Variants in FRMD7 observed in about 807,000 individuals in gnomAD.
FRMD7 encodes FERM domain containing 7.
FRMD7 carries 14 observed loss-of-function variants against 44.1 expected under a neutral mutation model. The ratio of observed to expected loss-of-function variants is 0.32; its 90% CI spans 0.21 to 0.50. The LOEUF (loss-of-function observed/expected upper bound fraction) is 0.50, where lower values mean the gene tolerates loss of function less well. FRMD7 is among the 20% of genes least tolerant of loss of function. FRMD7 has a pLI of 0.99. For synonymous variants in FRMD7, 212 were observed against 187.4 expected, an observed-to-expected ratio of 1.13 and a Z score of -1.07; for missense variants, 501 against 522.3, an observed-to-expected ratio of 0.96 and a Z score of 0.40.
chrX:132,085,909 A>T lies in FRMD7; in HGVS notation c.497+11T>A. The T allele has an allele frequency of 8.8e-7, 1 of 1,137,193 alleles. No homozygotes were observed. Among genetic ancestry groups the T allele is most frequent in the Middle Eastern group, 2.4e-4 (1 of 4,176 alleles). The allele number at this position is 1,137,193 out of a possible 1,213,427, so 93.7% of individuals were successfully genotyped here. On this transcript the variant is annotated intron_variant, in intron 6 of 11. Coordinates refer to ENST00000298542, the MANE Select transcript of FRMD7 (RefSeq NM_194277.3). ...TACTGGGGGAAGCAGGTGCCAGCTG[A>T]AAGTACTTACATGTGCTTCTGATGA...
chrX:132,104,887 A>C (rs1273562214), intron 1 of FRMD7, among the ~76,000 whole-genome samples: 1 of 112,007 alleles, frequency 8.9e-6, no homozygotes, highest in Non-Finnish European at 1.9e-5. Flanking sequence ...TTATAATTAC[A>C]CCATTTAATT....
chrX:132,082,444 T>A lies in FRMD7; in HGVS notation c.824A>T (p.His275Leu). 8.3e-7 allele frequency: 1 copy of A among 1,209,447 alleles called. No individual in the cohort carries two copies. Among genetic ancestry groups the A allele is most frequent in the Non-Finnish European group, 1.1e-6 (1 of 893,041 alleles). The change falls in exon 9 of 12, where the codon CAT (histidine) becomes CTT (leucine). Residue 275 changes from histidine to leucine, a missense_variant. Transcript: ENST00000298542. Reference sequence around the variant, plus strand: ...CTCTTCCGAAAGCCTGAAGAAAGCATGGTATTCCACACAAGTCTTCCAGAA... The same window carrying A: ...CTCTTCCGAAAGCCTGAAGAAAGCAAGGTATTCCACACAAGTCTTCCAGAA... The part of the protein sequence containing the change: ...KAFWKTCVEY[H>L]AFFRLSEEPK...
chrX:132,105,120 C>A (rs1215285794), intron 1 of FRMD7, among the ~76,000 whole-genome samples: 1 of 111,383 alleles, frequency 9.0e-6, no homozygotes, highest in African/African-American at 3.3e-5. Context: ...ATTCTTGTTC[C>A]ACATTAAATA....
intron 1 of FRMD7, among the ~76,000 whole-genome samples, chrX:132,118,418 A>C (rs776514086): frequency 9.1e-6 from 1 of 109,372 alleles, no homozygotes; most frequent in East Asian, 2.9e-4. Flanking sequence ...CAAAAAAGGG[A>C]AAAAAGAAAA....
In FRMD7 at chrX:132,078,943, A is replaced by G. The variant is rs776876410; in HGVS notation, c.1074T>C (p.Tyr358=). Residue 358 remains tyrosine, a synonymous_variant, in exon 12 of 12, where the codon TAT becomes TAC. Transcript: ENST00000298542. ...SKQVEDLRLA[Y]GGGYYQNVNG... Reference sequence around the variant, plus strand: ...TCACATTTTGGTAGTAGCCACCACCATATGCTAGTCTCAAATCTTCCACCT... The same window carrying G: ...TCACATTTTGGTAGTAGCCACCACCGTATGCTAGTCTCAAATCTTCCACCT... 1 of 1,207,755 alleles carries G rather than the reference A, an allele frequency of 8.3e-7. No individual in the cohort carries two copies. The highest frequency in any genetic ancestry group is 1.8e-5 in the African/African-American group (1 of 57,033).
At chrX:132,121,969 C>T (rs1210976292) in intron 1 of FRMD7, among the ~76,000 whole-genome samples, 1 of 110,877 alleles carries the variant, frequency 9.0e-6, no homozygotes, top group Non-Finnish European at 1.9e-5. Context: ...TAAACAGAGG[C>T]CAAAGCATGC....
chrX:132,121,159 T>C (rs1929025024), intron 1 of FRMD7, among the ~76,000 whole-genome samples: 1 of 111,578 alleles, frequency 9.0e-6, no homozygotes, highest in Non-Finnish European at 1.9e-5. Flanking sequence ...GGATACATCA[T>C]AAAGTTCTGG....
At chrX:132,090,877 G>T (rs1291423012) in intron 5 of FRMD7, among the ~76,000 whole-genome samples, 1 of 111,076 alleles carries the variant, frequency 9.0e-6, no homozygotes, top group African/African-American at 3.3e-5. Context: ...AGCAACCTAA[G>T]AATACAACTA....
Position 132,094,096 on chromosome X carries a change from T to C in FRMD7, c.328A>G (p.Arg110Gly), listed in dbSNP as rs2124241096. Residue 110 changes from arginine to glycine, a missense_variant, in exon 5 of 12, where the codon AGG becomes GGG. Physicochemically the swap from Arg to Gly is moderately radical, Grantham distance 125. Transcript: ENST00000298542. ...LQIKKDLALGRLPCSDNCTAL... is the reference protein window; with the variant it reads ...LQIKKDLALGGLPCSDNCTAL... ...GTACAGTTGTCACTGCATGGAAGCC[T>C]TCCTAGAGCCAAATCCTTCTTTATT... The C allele has an allele frequency of 2.5e-6, 3 of 1,179,016 alleles. No individual in the cohort carries two copies. The highest frequency in any genetic ancestry group is 3.5e-6 in the Non-Finnish European group (3 of 865,660).
intron 1 of FRMD7, among the ~76,000 whole-genome samples, chrX:132,115,758 T>C (rs866868155): frequency 5.4e-5 from 6 of 111,898 alleles, no homozygotes; most frequent in Middle Eastern, 4.6e-3. Flanking sequence ...CTTCTCAATG[T>C]CGAATTTGAC....
chrX:132,081,016 G>A (rs752970968), intron 9 of FRMD7, among the ~76,000 whole-genome samples: 1 of 96,672 alleles, frequency 1.0e-5, no homozygotes, highest in East Asian at 3.0e-4. Context: ...GATCACAGCC[G>A]GGAGAAACAT....
intron 9 of FRMD7, 143 bp from the exon 10 acceptor site, chrX:132,080,409 C>T: frequency 2.0e-6 from 1 of 496,475 alleles, no homozygotes; most frequent in Non-Finnish European, 3.6e-6. Flanking sequence ...AATGATAATA[C>T]CCACTTATTC....
At chrX:132,083,329 CTCA>C (rs903288033) in intron 8 of FRMD7, among the ~76,000 whole-genome samples, 2 of 111,763 alleles carry the variant, frequency 1.8e-5, no homozygotes, top group Admixed American at 9.6e-5. Context: ...CTCTATATTG[CTCA>C]TCTAGCATAT....
chrX:132,102,980 C>T (rs1928543945), intron 1 of FRMD7, among the ~76,000 whole-genome samples: 1 of 111,888 alleles, frequency 8.9e-6, no homozygotes, highest in Admixed American at 9.5e-5. Flanking sequence ...AGAATAATTC[C>T]CTGATTCTTC....
Position 132,118,096 on chromosome X carries a change from G to GGC in FRMD7, c.57+9691_57+9692insGC, listed in dbSNP as rs749805738. ...GGTAGTTCTTGCTTGGTAAAGTAGT[G>GGC]AAAGAATTATATGAACCCAAACTGT... On this transcript the variant is annotated intron_variant, in intron 1 of 11. Coordinates refer to ENST00000298542, the MANE Select transcript of FRMD7 (RefSeq NM_194277.3). 5.5e-3 allele frequency among the ~76,000 whole-genome samples: 618 copies of GGC among 111,466 alleles called. 3 individuals carry two copies. Among genetic ancestry groups the GGC allele is most frequent in the African/African-American group, 0.018 (564 of 30,650 alleles).
rs550691338 is a variant in FRMD7, at chrX:132,087,061, C to T, written c.383-1027G>A. 4.6e-4 allele frequency among the ~76,000 whole-genome samples: 52 copies of T among 112,211 alleles called. 1 individual carries two copies. Among genetic ancestry groups the T allele is most frequent in the South Asian group, 3.7e-3 (10 of 2,688 alleles). On this transcript the variant is annotated intron_variant, in intron 5 of 11. Transcript: ENST00000298542. ...TATTACAGCACTATGTCTACAAAGG[C>T]ATTTAGGACTATGTGCCCTTAACCT...
intron 5 of FRMD7, among the ~76,000 whole-genome samples, chrX:132,087,870 A>C (rs1928043137): frequency 9.0e-6 from 1 of 111,480 alleles, no homozygotes; most frequent in Middle Eastern, 4.6e-3. Context: ...AATTTATCTC[A>C]GGATTGCAAG....
At chrX:132,119,672 T>C (rs773526875) in intron 1 of FRMD7, among the ~76,000 whole-genome samples, 1 of 111,412 alleles carries the variant, frequency 9.0e-6, no homozygotes, top group East Asian at 2.8e-4. Context: ...GGGGTAATAA[T>C]TGTAGCTTTT....
At chrX:132,105,229 T>C (rs1928615094) in intron 1 of FRMD7, among the ~76,000 whole-genome samples, 1 of 111,921 alleles carries the variant, frequency 8.9e-6, no homozygotes, top group African/African-American at 3.2e-5. Flanking sequence ...AGAAAAGGTC[T>C]TGACCCTATA....
Sources: gnomAD v4.1 joint callset for allele counts (sites outside exome capture counted in the v4.1 genomes callset) on GRCh38, gnomAD v4.1.1 for gene constraint, MANE v1.5 for transcripts, NCBI Gene and HGNC (gene_info 2026-07-23, HGNC 2026-07-21) for gene names.